The following DLG1 variants were observed in gnomAD, a reference collection of about 807,000 sequenced individuals.
The protein encoded by DLG1 is discs large MAGUK scaffold protein 1.
Under a neutral mutation model 123.4 loss-of-function variants are expected in DLG1, and 42 were observed. The ratio of observed to expected loss-of-function variants is 0.34; its 90% CI spans 0.27 to 0.44. DLG1 has a LOEUF of 0.44. Among genes scored for constraint, DLG1 ranks in the 20% least tolerant of loss-of-function variants. The pLI, the probability that DLG1 is intolerant of heterozygous loss-of-function variation, is 1.00. For synonymous variants in DLG1, 317 were observed against 356.2 expected, an observed-to-expected ratio of 0.89 and a Z score of 1.24; for missense variants, 942 against 1,082.6, an observed-to-expected ratio of 0.87 and a Z score of 1.82.
intron 15 of DLG1, among the ~76,000 whole-genome samples, chr3:197,089,392 T>G (rs1215858388): frequency 1.3e-5 from 2 of 151,888 alleles, no homozygotes; most frequent in Admixed American, 1.3e-4. Context: ...CCAGGCATGG[T>G]GGCATGTGCC....
chr3:197,125,326 G>A (rs554384010), intron 11 of DLG1, among the ~76,000 whole-genome samples: 1 of 152,136 alleles, frequency 6.6e-6, no homozygotes, highest in Non-Finnish European at 1.5e-5. Context: ...AGAATTTTGT[G>A]CTTTTCTCCA....
At chr3:197,282,257 G>C (rs987787579) in intron 4 of DLG1, among the ~76,000 whole-genome samples, 1 of 152,178 alleles carries the variant, frequency 6.6e-6, no homozygotes, top group African/African-American at 2.4e-5. Context: ...CATCCTTCAA[G>C]CCAATAAAGA....
rs770745780 is a variant in DLG1, at chr3:197,282,781, C to G, written c.216G>C (p.Pro72=). 4 of 1,609,662 alleles carry G rather than the reference C, an allele frequency of 2.5e-6. No homozygotes were observed. The African/African-American group carries it at 4.0e-5, about 16-fold the overall frequency. ...TATTCACAGGTTGAATTGGTTCAGACGGCTTTGAACGATCTATACATTTTG... is the reference window on the plus strand; with the variant it reads ...TATTCACAGGTTGAATTGGTTCAGAGGGCTTTGAACGATCTATACATTTTG... ...DNPKCIDRSK[P]SEPIQPVNTW... is the part of the protein sequence containing the mutation. Residue 72 remains proline (P), a synonymous_variant, in exon 4 of 25, where the codon CCG becomes CCC. Transcript: ENST00000667157.
chr3:197,291,936 T>A (rs1298909040), intron 3 of DLG1, among the ~76,000 whole-genome samples: 1 of 152,166 alleles, frequency 6.6e-6, no homozygotes, highest in African/African-American at 2.4e-5. Context: ...CTTATTAGGA[T>A]GGCTATTATC....
intron 3 of DLG1, among the ~76,000 whole-genome samples, chr3:197,294,886 T>C (rs184541373): frequency 6.6e-6 from 1 of 152,010 alleles, no homozygotes; most frequent in African/African-American, 2.4e-5. Flanking sequence ...CTGCAGTCTA[T>C]CTATCTGCCT....
chr3:197,059,312 A>G lies in DLG1; in HGVS notation c.2483+577T>C, dbSNP rs147183521. Among the ~76,000 whole-genome samples, 1,121 of 152,288 alleles carry G rather than the reference A, an allele frequency of 7.4e-3. 11 individuals carry two copies. Among genetic ancestry groups the G allele is most frequent in the African/African-American group, 0.024 (998 of 41,572 alleles). ...AAAAATCAGCCTAGTTTAGCATGGT[A>G]TATCTTTTCCTATTCTCTTACTTTC... is the stretch of plus-strand genomic sequence containing the variant. On this transcript the variant is annotated intron_variant, in intron 23 of 24. Coordinates refer to ENST00000667157, the MANE Select transcript of DLG1 (RefSeq NM_001366207.1).
chr3:197,243,122 CCTGTTT>C (rs1376070027), intron 4 of DLG1, among the ~76,000 whole-genome samples: 2 of 152,188 alleles, frequency 1.3e-5, no homozygotes, highest in African/African-American at 4.8e-5. Context: ...CAATGCCGTT[CCTGTTT>C]CTGTGTCCTC....
At chr3:197,249,292 A>T (rs943419369) in intron 4 of DLG1, among the ~76,000 whole-genome samples, 14 of 152,126 alleles carry the variant, frequency 9.2e-5, no homozygotes, top group African/African-American at 3.1e-4. Flanking sequence ...CAACAAATTT[A>T]AAAACTAGAA....
At chr3:197,064,020 T>G (rs1171402273) in intron 22 of DLG1, among the ~76,000 whole-genome samples, 1 of 151,462 alleles carries the variant, frequency 6.6e-6, no homozygotes, top group Non-Finnish European at 1.5e-5. Flanking sequence ...TCTCCTGGGT[T>G]CAAGCGATTC....
intron 11 of DLG1, among the ~76,000 whole-genome samples, chr3:197,120,834 A>G (rs1775964927): frequency 6.6e-6 from 1 of 152,176 alleles, no homozygotes; most frequent in East Asian, 1.9e-4. Context: ...GTTCATATAT[A>G]AGATGCTCGT....
intron 16 of DLG1, chr3:197,085,158 A>C (rs1303037637): frequency 1.2e-5 from 2 of 161,208 alleles, no homozygotes; most frequent in Non-Finnish European, 2.7e-5. Flanking sequence ...CATACTGTGA[A>C]ATAATTACTA....
At chr3:197,171,538 G>T (rs886239007) in intron 5 of DLG1, among the ~76,000 whole-genome samples, 4 of 152,106 alleles carry the variant, frequency 2.6e-5, no homozygotes, top group African/African-American at 9.7e-5. Context: ...TAGGAAAACA[G>T]ATCTAGCAAT....
rs35261692 is a variant in DLG1 at position 197,145,039 on chromosome 3, G to GCTCT, written c.538-2275_538-2272dup. Among the ~76,000 whole-genome samples the GCTCT allele has an allele frequency of 2.1e-3, 314 of 146,158 alleles. 1 individual carries two copies. The highest frequency in any genetic ancestry group is 7.2e-3 in the Middle Eastern group (2 of 278). ...ATGTTGACCAGGAGCTCGCTTGCTT[G>GCTCT]CTCTCTCTCTCTCTCTCACACACAC... On this transcript the variant is annotated intron_variant, in intron 6 of 24. Coordinates refer to ENST00000667157, the MANE Select transcript of DLG1 (RefSeq NM_001366207.1).
chr3:197,255,655 G>A (rs905581139), intron 4 of DLG1, among the ~76,000 whole-genome samples: 26 of 152,010 alleles, frequency 1.7e-4, no homozygotes, highest in South Asian at 8.3e-4. Flanking sequence ...CAATAAAAAG[G>A]AACAAGCTAC....
chr3:197,054,468 ATCTTTAAG>A (rs1730264382), intron 23 of DLG1, among the ~76,000 whole-genome samples: 1 of 152,092 alleles, frequency 6.6e-6, no homozygotes, highest in Admixed American at 6.5e-5. Context: ...CCATTGTTGT[ATCTTTAAG>A]TTAAAACTTG....
At chr3:197,159,641 G>A (rs1053242593) in intron 5 of DLG1, among the ~76,000 whole-genome samples, 3 of 152,054 alleles carry the variant, frequency 2.0e-5, no homozygotes, top group African/African-American at 4.8e-5. Context: ...ACTTGGGGAC[G>A]GATATTTTAG....
chr3:197,139,413 C>T (rs1202716449), intron 8 of DLG1, among the ~76,000 whole-genome samples: 5 of 152,036 alleles, frequency 3.3e-5, no homozygotes, highest in Admixed American at 1.3e-4. Context: ...TCAAAAACTG[C>T]GTAAGGCATC....
chr3:197,098,592 T>C (rs991594387), intron 14 of DLG1, among the ~76,000 whole-genome samples: 16 of 152,140 alleles, frequency 1.1e-4, no homozygotes, highest in African/African-American at 3.6e-4. Context: ...CGGAGTGCAG[T>C]GGTGCAATTC....
chr3:197,177,517 G>A (rs1053412777), intron 5 of DLG1, among the ~76,000 whole-genome samples: 3 of 152,112 alleles, frequency 2.0e-5, no homozygotes, highest in Non-Finnish European at 4.4e-5. Flanking sequence ...CAAAATGAAT[G>A]TGGTATGTAC....
Sources: gnomAD v4.1 joint callset for allele counts (sites outside exome capture counted in the v4.1 genomes callset) on GRCh38, gnomAD v4.1.1 for gene constraint, MANE v1.5 for transcripts, NCBI Gene and HGNC (gene_info 2026-07-23, HGNC 2026-07-21) for gene names.